BRAF: variants seen among roughly 807,000 people sequenced by gnomAD.
The protein encoded by BRAF is B-Raf proto-oncogene, serine/threonine kinase.
Under a neutral mutation model 104.6 loss-of-function variants are expected in BRAF, and 16 were observed. The ratio of observed to expected loss-of-function variants is 0.15; its 90% confidence interval spans 0.10 to 0.23. The LOEUF (loss-of-function observed/expected upper bound fraction) is 0.23, where lower values mean the gene tolerates loss of function less well. Ranked by LOEUF, BRAF falls within the 10% of genes least tolerant of loss-of-function variation. The probability of loss-of-function intolerance (pLI) is 1.00; values close to 1 mark genes in which losing one functional copy is unlikely to be tolerated. For synonymous variants in BRAF, 310 were observed against 341.6 expected, an observed-to-expected ratio of 0.91 and a Z score of 1.02; for missense variants, 541 against 937.3, an observed-to-expected ratio of 0.58 and a Z score of 5.52.
At chr7:140,824,638 T>A (rs1290604164) in intron 3 of BRAF, among the ~76,000 whole-genome samples, 1 of 151,808 alleles carries the variant, frequency 6.6e-6, no homozygotes, top group Non-Finnish European at 1.5e-5. Flanking sequence ...TAGGACGGAC[T>A]TTCTATTTCT....
At chr7:140,830,696 C>A (rs544052583) in intron 3 of BRAF, among the ~76,000 whole-genome samples, 9 of 152,126 alleles carry the variant, frequency 5.9e-5, no homozygotes, top group African/African-American at 2.2e-4. Flanking sequence ...AAATATCACA[C>A]CTATATGATG....
intron 1 of BRAF, among the ~76,000 whole-genome samples, chr7:140,860,536 C>T (rs1810309785): frequency 6.7e-6 from 1 of 148,744 alleles, no homozygotes; most frequent in East Asian, 2.0e-4. Flanking sequence ...TCCCAGCTAA[C>T]AGAGGCTGAG....
chr7:140,877,720 A>C (rs1210159677), intron 1 of BRAF, among the ~76,000 whole-genome samples: 1 of 152,168 alleles, frequency 6.6e-6, no homozygotes, highest in Non-Finnish European at 1.5e-5. Context: ...GAATACTATG[A>C]AAAACTCTAC....
At chr7:140,887,556 A>C (rs372195129) in intron 1 of BRAF, among the ~76,000 whole-genome samples, 2 of 152,216 alleles carry the variant, frequency 1.3e-5, no homozygotes, top group Admixed American at 1.3e-4. Context: ...AGTGACACAA[A>C]TTGAACAATA....
chr7:140,848,860 G>T (rs1028696455), intron 2 of BRAF, among the ~76,000 whole-genome samples: 24 of 152,252 alleles, frequency 1.6e-4, no homozygotes, highest in African/African-American at 5.8e-4. Context: ...AGAGGAGAAA[G>T]AAAACAGCAT....
At position 140,719,706 on chromosome 7, in the gene BRAF, T is replaced by G; in HGVS notation, c.*6788A>C. 1 of 1,061,164 alleles carries G rather than the reference T, an allele frequency of 9.4e-7. No individual in the cohort carries two copies. Among genetic ancestry groups the G allele is most frequent in the Non-Finnish European group, 1.1e-6 (1 of 876,210 alleles). The allele number at this position is 1,061,164 out of a possible 1,614,324, so 65.7% of individuals were successfully genotyped here. A position where few individuals can be genotyped will look rare whatever the true frequency, so the allele number is the denominator to read the frequency against. The stretch of plus-strand genomic sequence containing the variant: ...CCATTTGACTGAAAATAAATGTCTT[T>G]TTTATGAATTGAAAAATAAGCTTTA... On this transcript the variant is annotated 3_prime_UTR_variant, in exon 20 of 20. Coordinates refer to ENST00000644969, the MANE Select transcript of BRAF (RefSeq NM_001374258.1).
At chr7:140,904,089 T>C (rs1816005440) in intron 1 of BRAF, among the ~76,000 whole-genome samples, 6 of 152,252 alleles carry the variant, frequency 3.9e-5, no homozygotes, top group African/African-American at 1.4e-4. Flanking sequence ...CTGGCAGATC[T>C]GAGAGGACTG....
At chr7:140,823,901 C>T (rs982733862) in intron 3 of BRAF, 10 of 152,072 alleles carry the variant, frequency 6.6e-5, no homozygotes, top group African/African-American at 2.4e-4. Context: ...TTTGCATGTT[C>T]CTAATAATTA....
At chr7:140,759,858 G>T (rs1381383676) in intron 14 of BRAF, among the ~76,000 whole-genome samples, 1 of 152,178 alleles carries the variant, frequency 6.6e-6, no homozygotes. Flanking sequence ...TTGTTAAAAT[G>T]CAGTCTTTGA....
At position 140,753,390 on chromosome 7, in the gene BRAF, A is replaced by G. The variant is rs1296743862; in HGVS notation, c.1865T>C (p.Ile622Thr). Residue 622 changes from isoleucine to threonine, a missense_variant, in exon 16 of 20, where the codon ATA becomes ACA. Coordinates refer to ENST00000644969, the MANE Select transcript of BRAF (RefSeq NM_001374258.1). ...TACTGTGAGGTCTTCATGAAGAAAT[A>G]TATCTGAGGTGTAGTAAGTAAAGGA... is the stretch of plus-strand genomic sequence containing the variant. ...IIHRDLKSNN[I>T]FLHEDLTVKI... 6.3e-7 allele frequency: 1 copy of G among 1,579,810 alleles called. No individual in the cohort carries two copies.
intron 4 of BRAF, 69 bp from the exon 5 acceptor site, chr7:140,808,131 G>T: frequency 7.9e-7 from 1 of 1,273,722 alleles, no homozygotes; most frequent in Non-Finnish European, 1.1e-6. Flanking sequence ...TCATGCTGAA[G>T]ATATGAAAAT....
chr7:140,890,486 T>C (rs888880860), intron 1 of BRAF, among the ~76,000 whole-genome samples: 6 of 152,236 alleles, frequency 3.9e-5, no homozygotes, highest in African/African-American at 1.4e-4. Context: ...ACATACTCCA[T>C]CTAGATTTTT....
chr7:140,766,543 G>A (rs1799344320), intron 14 of BRAF, among the ~76,000 whole-genome samples: 2 of 152,064 alleles, frequency 1.3e-5, no homozygotes, highest in Middle Eastern at 3.4e-3. Flanking sequence ...TCAACATTCT[G>A]CCAAATGTGC....
At chr7:140,782,663 A>G (rs1362332410) in intron 11 of BRAF, among the ~76,000 whole-genome samples, 1 of 152,142 alleles carries the variant, frequency 6.6e-6, no homozygotes, top group East Asian at 1.9e-4. Context: ...CATTTTGCAG[A>G]AGAAAGTTGA....
At chr7:140,762,109 C>G (rs1229898326) in intron 14 of BRAF, among the ~76,000 whole-genome samples, 1 of 152,146 alleles carries the variant, frequency 6.6e-6, no homozygotes, top group African/African-American at 2.4e-5. Flanking sequence ...CCACACCACA[C>G]CTATTCCAAA....
chr7:140,872,341 T>A (rs1811703668), intron 1 of BRAF, among the ~76,000 whole-genome samples: 2 of 151,866 alleles, frequency 1.3e-5, no homozygotes, highest in Admixed American at 6.6e-5. Context: ...CATGGTACTT[T>A]AACAAAAAGT....
At chr7:140,837,889 A>G (rs180743695) in intron 2 of BRAF, among the ~76,000 whole-genome samples, 1 of 152,182 alleles carries the variant, frequency 6.6e-6, no homozygotes, top group African/African-American at 2.4e-5. Flanking sequence ...AATTCTCCAC[A>G]TCTTTCCCCA....
chr7:140,714,099 T>C, the BRAF span, among the ~76,000 whole-genome samples: 1 of 152,086 alleles, frequency 6.6e-6, no homozygotes, highest in African/African-American at 2.4e-5. Flanking sequence ...GATCTCAAGC[T>C]ACATGCTGGG....
the BRAF span, among the ~76,000 whole-genome samples, chr7:140,713,418 C>T: frequency 6.6e-6 from 1 of 152,160 alleles, no homozygotes; most frequent in Non-Finnish European, 1.5e-5. Context: ...ACTGAGGCTT[C>T]TGCATTCGTC....
Sources: allele counts gnomAD v4.1 joint callset (sites outside exome capture counted in the v4.1 genomes callset), GRCh38; gene constraint gnomAD v4.1.1; transcripts MANE v1.5; gene names NCBI Gene and HGNC (gene_info 2026-07-23, HGNC 2026-07-21).